The following TMEM140 variants were observed in gnomAD, a reference collection of about 807,000 sequenced individuals.
TMEM140 encodes transmembrane protein 140.
For missense variants in TMEM140, 236 were observed against 228.5 expected, an observed-to-expected ratio of 1.03 and a Z score of -0.21; for synonymous variants, 107 against 106.8, an observed-to-expected ratio of 1.00 and a Z score of -0.01.
intron 1 of TMEM140, among the ~76,000 whole-genome samples, chr7:135,163,860 TGAGCTTCA>T (rs779790526): frequency 3.3e-5 from 5 of 152,218 alleles, no homozygotes; most frequent in Admixed American, 6.5e-5. Flanking sequence ...CACCTTCGAA[TGAGCTTCA>T]GAGCTTCAGA....
At chr7:135,163,774 C>A (rs1307467300) in intron 1 of TMEM140, among the ~76,000 whole-genome samples, 1 of 152,238 alleles carries the variant, frequency 6.6e-6, no homozygotes, top group Non-Finnish European at 1.5e-5. Flanking sequence ...GACATCTTGT[C>A]TTGACCCAGT....
chr7:135,165,626 G>C lies in TMEM140; in HGVS notation c.*627G>C, dbSNP rs966526893. ...CAAAGCTTCCCTGGACCTGAAGCCA[G>C]ACAGGGCAGAGGCGTCCGCTGACAA... is the stretch of plus-strand genomic sequence containing the variant. On this transcript the variant is annotated 3_prime_UTR_variant, in exon 2 of 2. Coordinates refer to ENST00000275767, the MANE Select transcript of TMEM140 (RefSeq NM_018295.5). 2 of 167,488 alleles carry C rather than the reference G, an allele frequency of 1.2e-5. No homozygotes were observed. Among genetic ancestry groups the C allele is most frequent in the Admixed American group, 1.3e-4 (2 of 15,300 alleles). The allele number at this position is 167,488 out of a possible 1,614,324, so 10.4% of individuals were successfully genotyped here. A position where few individuals can be genotyped will look rare whatever the true frequency, so the allele number is the denominator to read the frequency against.
chr7:135,151,699 A>G lies in TMEM140; in HGVS notation c.-25+3429A>G, dbSNP rs1265535814. Among the ~76,000 whole-genome samples the G allele has an allele frequency of 3.3e-5, 5 of 152,216 alleles. No homozygotes were observed. Among genetic ancestry groups the G allele is most frequent in the Admixed American group, 2.6e-4 (4 of 15,288 alleles). On this transcript the variant is annotated intron_variant, in intron 1 of 1. Coordinates refer to ENST00000275767, the MANE Select transcript of TMEM140 (RefSeq NM_018295.5). The surrounding 1 kb of genome is among the most constrained non-coding windows in gnomAD (Gnocchi z 4.3). ...GTGAGTGAACTTCCTTCAGTCTCAC[A>G]ACAGCCCATGAGGAACGTGACAACT...
intron 1 of TMEM140, among the ~76,000 whole-genome samples, chr7:135,158,015 A>C (rs1406651760): frequency 6.6e-6 from 1 of 151,732 alleles, no homozygotes; most frequent in Admixed American, 6.6e-5. Flanking sequence ...CGTAGCAGGC[A>C]CTGGGTATTG....
chr7:135,149,249 T>C (rs909733210), intron 1 of TMEM140, among the ~76,000 whole-genome samples: 4 of 152,176 alleles, frequency 2.6e-5, no homozygotes, highest in African/African-American at 9.7e-5. Flanking sequence ...TAGAGAACAA[T>C]TGCCTGTAAT....
chr7:135,156,134 A>G (rs757641817), intron 1 of TMEM140, among the ~76,000 whole-genome samples: 39 of 151,342 alleles, frequency 2.6e-4, no homozygotes, highest in Non-Finnish European at 4.4e-4. Flanking sequence ...GAGATTTGGG[A>G]TTTCCTTTAT....
At chr7:135,159,506 G>A (rs1436078505) in intron 1 of TMEM140, among the ~76,000 whole-genome samples, 1 of 152,130 alleles carries the variant, frequency 6.6e-6, no homozygotes, top group African/African-American at 2.4e-5. Context: ...TCGCCTTTAA[G>A]CAGAAATCAT....
At position 135,164,548 on chromosome 7, in the gene TMEM140, C is replaced by T; in HGVS notation, c.107C>T (p.Ala36Val). 1 of 1,614,194 alleles carries T rather than the reference C, an allele frequency of 6.2e-7. No homozygotes were observed. Among genetic ancestry groups the T allele is most frequent in the Non-Finnish European group, 8.5e-7 (1 of 1,179,998 alleles). The change falls in exon 2 of 2, where the codon GCT becomes GTT. Residue 36 changes from alanine (A) to valine (V), a missense_variant. Physicochemically the swap from Ala to Val is moderately conservative, Grantham distance 64. Coordinates refer to ENST00000275767, the MANE Select transcript of TMEM140 (RefSeq NM_018295.5). ...ATGTTTTACGCTCTTCTCTGGGAGG[C>T]TGGCAACCTCACTGACCTGCCCAAC... ...CLMFYALLWE[A>V]GNLTDLPNLR...
chr7:135,149,701 A>G (rs1829623996), intron 1 of TMEM140, among the ~76,000 whole-genome samples: 1 of 152,222 alleles, frequency 6.6e-6, no homozygotes. Context: ...TTTTACCTAC[A>G]GTGTTGATAG....
intron 1 of TMEM140, among the ~76,000 whole-genome samples, chr7:135,157,051 A>G (rs1338319701): frequency 6.6e-6 from 1 of 152,226 alleles, no homozygotes; most frequent in Non-Finnish European, 1.5e-5. Context: ...TGGAACTGTA[A>G]GTCCAATTAA....
chr7:135,149,996 T>C (rs1479990189), intron 1 of TMEM140, among the ~76,000 whole-genome samples: 1 of 152,222 alleles, frequency 6.6e-6, no homozygotes, highest in Non-Finnish European at 1.5e-5. Context: ...TAGTTAAACC[T>C]GTGCAATTCT....
At position 135,165,140 on chromosome 7, in the gene TMEM140, A is replaced by C; in HGVS notation, c.*141A>C. On this transcript the variant is annotated 3_prime_UTR_variant, in exon 2 of 2. Coordinates refer to ENST00000275767, the MANE Select transcript of TMEM140 (RefSeq NM_018295.5). The stretch of plus-strand genomic sequence containing the variant: ...CAGAGGAGGTGGGGCCCCTGTGTCA[A>C]AGAGGCCGAGGGGCAGCAAGGGCAG... 2 of 1,027,618 alleles carry C rather than the reference A, an allele frequency of 1.9e-6. No homozygotes were observed. Among genetic ancestry groups the C allele is most frequent in the South Asian group, 3.7e-5 (2 of 53,580 alleles). 63.7% of individuals were successfully genotyped at this position (1,027,618 alleles called of 1,614,324 possible).
Position 135,149,101 on chromosome 7 carries a change from A to G in TMEM140, c.-25+831A>G, listed in dbSNP as rs536642193. Among the ~76,000 whole-genome samples the G allele has an allele frequency of 4.9e-4, 75 of 152,230 alleles. 1 individual carries two copies. The highest frequency in any genetic ancestry group is 1.7e-3 in the African/African-American group (69 of 41,546). ...ATGAGATATTTTTTCAATCTTGCAC[A>G]TATTCCCCTTTCTCAACTTTCTTTC... is the stretch of plus-strand genomic sequence containing the variant. On this transcript the variant is annotated intron_variant, in intron 1 of 1. Coordinates refer to ENST00000275767, the MANE Select transcript of TMEM140 (RefSeq NM_018295.5).
intron 1 of TMEM140, among the ~76,000 whole-genome samples, chr7:135,153,608 A>T (rs1183901946): frequency 6.6e-6 from 1 of 152,238 alleles, no homozygotes; most frequent in African/African-American, 2.4e-5. Flanking sequence ...AAAGAACTGA[A>T]AAACCACGCA....
intron 1 of TMEM140, among the ~76,000 whole-genome samples, chr7:135,163,375 C>G (rs1040049986): frequency 6.6e-6 from 1 of 152,142 alleles, no homozygotes; most frequent in African/African-American, 2.4e-5. Flanking sequence ...GGCATGGTGG[C>G]TCATGCCTGT....
chr7:135,150,317 T>C (rs1829638060), intron 1 of TMEM140, among the ~76,000 whole-genome samples: 1 of 152,214 alleles, frequency 6.6e-6, no homozygotes, highest in South Asian at 2.1e-4. Context: ...CTCCTGCCAG[T>C]TTCTCTCTCT....
In TMEM140 at chr7:135,161,929, G is replaced by A. The variant is rs376812880; in HGVS notation, c.-24-2489G>A. Among the ~76,000 whole-genome samples, 98 of 152,310 alleles carry A rather than the reference G, an allele frequency of 6.4e-4. 1 individual carries two copies. In the South Asian group the frequency reaches 0.019, roughly 29 times the overall value. Reference sequence around the variant, plus strand: ...CCAGTGCTGCTGAGTCCAGAGAAGCGGCATCTGAGGGGAGGCGGTGGCAGT... The same window carrying A: ...CCAGTGCTGCTGAGTCCAGAGAAGCAGCATCTGAGGGGAGGCGGTGGCAGT... On this transcript the variant is annotated intron_variant, in intron 1 of 1. Coordinates refer to ENST00000275767, the MANE Select transcript of TMEM140 (RefSeq NM_018295.5). This position sits in a 1 kb window ranked among gnomAD's most constrained non-coding sequence, Gnocchi z 4.1.
chr7:135,149,939 A>C (rs1440052049), intron 1 of TMEM140, among the ~76,000 whole-genome samples: 1 of 152,184 alleles, frequency 6.6e-6, no homozygotes, highest in Non-Finnish European at 1.5e-5. Flanking sequence ...ATTGACTTTT[A>C]ATTATATTTA....
Position 135,165,029 on chromosome 7 carries a change from C to T in TMEM140, c.*30C>T. Reference sequence around the variant, plus strand: ...TTACGTGATTGCAAGGGTTCAGTTCCAACCATGGTCAGAGGTGGCACATCT... The same window carrying T: ...TTACGTGATTGCAAGGGTTCAGTTCTAACCATGGTCAGAGGTGGCACATCT... On this transcript the variant is annotated 3_prime_UTR_variant, in exon 2 of 2. Coordinates refer to ENST00000275767, the MANE Select transcript of TMEM140 (RefSeq NM_018295.5). 6.5e-7 allele frequency: 1 copy of T among 1,535,646 alleles called. No individual in the cohort carries two copies.
Sources: allele counts gnomAD v4.1 joint callset (sites outside exome capture counted in the v4.1 genomes callset), GRCh38; gene constraint gnomAD v4.1.1; non-coding constraint Gnocchi (gnomAD v3.1); transcripts MANE v1.5; gene names NCBI Gene and HGNC (gene_info 2026-07-23, HGNC 2026-07-21).